GPR158: variants seen among roughly 807,000 people sequenced by gnomAD.
The protein encoded by GPR158 is metabotropic glycine receptor.
Under a neutral mutation model 78.2 loss-of-function variants are expected in GPR158, and 30 were observed. That is an observed-to-expected ratio of 0.38 (90% CI 0.29 to 0.52). The LOEUF is 0.52. Ranked by LOEUF, GPR158 falls within the 20% of genes least tolerant of loss-of-function variation. The probability of loss-of-function intolerance (pLI) is 0.83; values close to 1 mark genes in which losing one functional copy is unlikely to be tolerated. For missense variants in GPR158, 1,463 were observed against 1,523.5 expected, an observed-to-expected ratio of 0.96 and a Z score of 0.66; for synonymous variants, 581 against 591.1, an observed-to-expected ratio of 0.98 and a Z score of 0.25.
At chr10:25,423,198 C>T (rs943973729) in intron 4 of GPR158, among the ~76,000 whole-genome samples, 1 of 147,114 alleles carries the variant, frequency 6.8e-6, no homozygotes, top group African/African-American at 2.5e-5. Context: ...CATATATACA[C>T]ACACACACCA....
intron 2 of GPR158, among the ~76,000 whole-genome samples, chr10:25,241,712 G>A (rs183066886): frequency 6.3e-4 from 96 of 152,184 alleles, no homozygotes; most frequent in African/African-American, 2.2e-3. Context: ...GTGAGCCACC[G>A]TGCCTGGCCC....
At chr10:25,571,796 T>C (rs1370986946) in intron 6 of GPR158, among the ~76,000 whole-genome samples, 1 of 152,192 alleles carries the variant, frequency 6.6e-6, no homozygotes, top group African/African-American at 2.4e-5. Context: ...TTCTCAACTC[T>C]GGCTATTCAT....
At chr10:25,363,819 C>T (rs545705059) in intron 2 of GPR158, among the ~76,000 whole-genome samples, 1 of 151,982 alleles carries the variant, frequency 6.6e-6, no homozygotes, top group South Asian at 2.1e-4. Flanking sequence ...GCTCAGGTTA[C>T]ATGACCCTCA....
chr10:25,334,222 C>T (rs994127488), intron 2 of GPR158, among the ~76,000 whole-genome samples: 3 of 151,930 alleles, frequency 2.0e-5, no homozygotes, highest in Admixed American at 1.3e-4. Flanking sequence ...TTTTGGCATA[C>T]GTAATAACAA....
At chr10:25,259,504 A>T (rs1448502185) in intron 2 of GPR158, among the ~76,000 whole-genome samples, 1 of 152,106 alleles carries the variant, frequency 6.6e-6, no homozygotes, top group Non-Finnish European at 1.5e-5. Flanking sequence ...TAAGTACTAT[A>T]GCTTTATTAT....
intron 5 of GPR158, among the ~76,000 whole-genome samples, chr10:25,467,204 C>G (rs1299831591): frequency 6.6e-6 from 1 of 152,202 alleles, no homozygotes; most frequent in Non-Finnish European, 1.5e-5. Flanking sequence ...TTGGTTGAAT[C>G]TGTCTAAAGA....
intron 2 of GPR158, among the ~76,000 whole-genome samples, chr10:25,309,243 G>A (rs2130459898): frequency 6.7e-6 from 1 of 148,886 alleles, no homozygotes; most frequent in Admixed American, 6.7e-5. Context: ...GTTTTCAATA[G>A]CTATCCTAAT....
intron 2 of GPR158, among the ~76,000 whole-genome samples, chr10:25,344,521 G>C (rs1367930396): frequency 6.6e-6 from 1 of 151,758 alleles, no homozygotes; most frequent in Non-Finnish European, 1.5e-5. Flanking sequence ...AAAAAAAAGA[G>C]GTTATAGAAT....
intron 6 of GPR158, among the ~76,000 whole-genome samples, chr10:25,561,765 T>G (rs115810472): frequency 0.015 from 2,310 of 152,310 alleles, 47 homozygotes; most frequent in African/African-American, 0.053. Context: ...TGGCCTATAT[T>G]TGAGGGAATC....
intron 5 of GPR158, among the ~76,000 whole-genome samples, chr10:25,484,701 T>G (rs1048789722): frequency 6.6e-6 from 1 of 152,186 alleles, no homozygotes; most frequent in African/African-American, 2.4e-5. Context: ...CATTTCTAAT[T>G]CTCTTTCTAT....
chr10:25,189,445 A>G (rs1204514848), intron 1 of GPR158, among the ~76,000 whole-genome samples: 1 of 152,212 alleles, frequency 6.6e-6, no homozygotes, highest in East Asian at 1.9e-4. Context: ...ACCATGGAAT[A>G]CTATGCAGCC....
intron 1 of GPR158, among the ~76,000 whole-genome samples, chr10:25,194,156 T>G (rs1852813386): frequency 6.6e-6 from 1 of 152,204 alleles, no homozygotes; most frequent in Non-Finnish European, 1.5e-5. Flanking sequence ...CACACGTTGC[T>G]GCTTTTTTAT....
At chr10:25,277,162 G>A (rs1231826542) in intron 2 of GPR158, among the ~76,000 whole-genome samples, 1 of 151,932 alleles carries the variant, frequency 6.6e-6, no homozygotes, top group African/African-American at 2.4e-5. Context: ...TGTTGCCCAG[G>A]CTGGTCTTAA....
chr10:25,581,586 A>C (rs1837199759), intron 7 of GPR158, among the ~76,000 whole-genome samples: 1 of 136,180 alleles, frequency 7.3e-6, no homozygotes, highest in South Asian at 2.3e-4. Flanking sequence ...CAAAGAAGTA[A>C]AACAGTTTCC....
At chr10:25,271,337 C>A (rs1324288043) in intron 2 of GPR158, among the ~76,000 whole-genome samples, 2 of 152,196 alleles carry the variant, frequency 1.3e-5, no homozygotes, top group Non-Finnish European at 2.9e-5. Context: ...GTCTGTCTCT[C>A]TCACTAAACT....
chr10:25,207,809 A>G (rs1430626858), intron 1 of GPR158, among the ~76,000 whole-genome samples: 6 of 152,204 alleles, frequency 3.9e-5, no homozygotes, highest in African/African-American at 1.2e-4. Flanking sequence ...TGGCAGAACA[A>G]GCAGGTTTTG....
intron 5 of GPR158, among the ~76,000 whole-genome samples, chr10:25,482,713 T>G (rs1835677793): frequency 6.6e-6 from 1 of 152,162 alleles, no homozygotes; most frequent in East Asian, 1.9e-4. Context: ...CAAATCTCTG[T>G]TTTGAATTCC....
intron 2 of GPR158, among the ~76,000 whole-genome samples, chr10:25,343,900 A>G (rs1694306375): frequency 6.6e-6 from 1 of 152,032 alleles, no homozygotes; most frequent in Non-Finnish European, 1.5e-5. Flanking sequence ...ACAAAAGAGG[A>G]AGGCACTGTT....
At chr10:25,483,144 C>A (rs1319376983) in intron 5 of GPR158, among the ~76,000 whole-genome samples, 1 of 151,956 alleles carries the variant, frequency 6.6e-6, no homozygotes, top group Non-Finnish European at 1.5e-5. Context: ...AGCAAGAAAT[C>A]CTTTTCTAAA....
Sources: gnomAD v4.1 joint callset for allele counts (sites outside exome capture counted in the v4.1 genomes callset) on GRCh38, gnomAD v4.1.1 for gene constraint, MANE v1.5 for transcripts, NCBI Gene and HGNC (gene_info 2026-07-23, HGNC 2026-07-21) for gene names.